Variants in PDE4B observed in about 807,000 individuals in gnomAD.
PDE4B encodes the protein phosphodiesterase 4B.
PDE4B carries 20 observed loss-of-function variants against 82.2 expected under a neutral mutation model. The observed-to-expected ratio is 0.24, with a 90% confidence interval of 0.17 to 0.35. The LOEUF is 0.35. Among genes scored for constraint, PDE4B ranks in the 10% least tolerant of loss-of-function variants. The pLI, the probability that PDE4B is intolerant of heterozygous loss-of-function variation, is 1.00. For missense variants in PDE4B, 655 were observed against 907.2 expected (o/e 0.72, Z 3.57); for synonymous variants, 320 against 318.9 (o/e 1.00, Z -0.04).
chr1:65,796,796 C>T lies in PDE4B; in HGVS notation c.-71+3548C>T, dbSNP rs368374085. 1.1e-4 allele frequency among the ~76,000 whole-genome samples: 17 copies of T among 151,610 alleles called. 1 individual carries two copies. The highest frequency in any genetic ancestry group is 5.9e-4 in the Admixed American group (9 of 15,234). On this transcript the variant is annotated intron_variant, in intron 1 of 16. Coordinates refer to ENST00000341517, the MANE Select transcript of PDE4B (RefSeq NM_002600.4). ...TCCTGAGTACCTGGGACTATAGGTG[C>T]GTGCCACCATGCCCAGGTAATTTTT... is the stretch of plus-strand genomic sequence containing the variant.
intron 7 of PDE4B, among the ~76,000 whole-genome samples, chr1:66,328,607 C>T (rs1659896652): frequency 1.3e-5 from 2 of 152,182 alleles, no homozygotes; most frequent in South Asian, 2.1e-4. Flanking sequence ...AGCCTTGGCT[C>T]ATGCACTTCC....
chr1:66,307,346 T>G (rs555846457), intron 7 of PDE4B, among the ~76,000 whole-genome samples: 96 of 151,752 alleles, frequency 6.3e-4, no homozygotes, highest in Non-Finnish European at 1.2e-3. Context: ...TGTAAATGAG[T>G]GAGGATAGTA....
At chr1:66,323,830 G>A (rs1244121685) in intron 7 of PDE4B, among the ~76,000 whole-genome samples, 1 of 152,102 alleles carries the variant, frequency 6.6e-6, no homozygotes, top group South Asian at 2.1e-4. Context: ...CAGAGACCAA[G>A]CTTTTAATCA....
chr1:65,863,685 C>T (rs1646479253), intron 1 of PDE4B, among the ~76,000 whole-genome samples: 1 of 152,160 alleles, frequency 6.6e-6, no homozygotes, highest in South Asian at 2.1e-4. Context: ...AATCTGGGTG[C>T]TCCTGTATTC....
intron 7 of PDE4B, among the ~76,000 whole-genome samples, chr1:66,322,760 A>G (rs965966514): frequency 6.6e-6 from 1 of 151,940 alleles, no homozygotes; most frequent in Non-Finnish European, 1.5e-5. Flanking sequence ...CATTTAGATC[A>G]TAACAAATGC....
At chr1:66,368,766 T>A in intron 15 of PDE4B, 21 bp from the exon 16 acceptor site, 1 of 1,494,770 alleles carries the variant, frequency 6.7e-7, no homozygotes, top group South Asian at 1.4e-5. Flanking sequence ...TTATGAGATT[T>A]CCAAAACTTG....
intron 3 of PDE4B, among the ~76,000 whole-genome samples, chr1:66,173,367 A>C (rs1646874463): frequency 6.6e-6 from 1 of 152,222 alleles, no homozygotes; most frequent in Admixed American, 6.5e-5. Flanking sequence ...ATAAGCCAAA[A>C]TATGGGGCCA....
At chr1:66,085,022 C>G (rs768081145) in intron 3 of PDE4B, among the ~76,000 whole-genome samples, 4 of 152,062 alleles carry the variant, frequency 2.6e-5, no homozygotes, top group Non-Finnish European at 4.4e-5. Flanking sequence ...TAGGATGCAC[C>G]AAGTATCACG....
chr1:65,846,098 A>T (rs1194973967), intron 1 of PDE4B, among the ~76,000 whole-genome samples: 1 of 152,082 alleles, frequency 6.6e-6, no homozygotes, highest in African/African-American at 2.4e-5. Context: ...GTTCTTACTA[A>T]TCTTGTTTGA....
At chr1:65,967,318 A>T (rs1033333766) in intron 3 of PDE4B, among the ~76,000 whole-genome samples, 2 of 152,240 alleles carry the variant, frequency 1.3e-5, no homozygotes, top group Non-Finnish European at 2.9e-5. Flanking sequence ...AGCAATGCAA[A>T]TCAAAACCAC....
chr1:65,854,629 A>C (rs1646371816), intron 1 of PDE4B, among the ~76,000 whole-genome samples: 1 of 152,034 alleles, frequency 6.6e-6, no homozygotes, highest in South Asian at 2.1e-4. Flanking sequence ...GATGCTTTTA[A>C]GTATTTATAT....
intron 7 of PDE4B, among the ~76,000 whole-genome samples, chr1:66,291,122 C>T (rs1211187450): frequency 6.6e-6 from 1 of 152,124 alleles, no homozygotes; most frequent in South Asian, 2.1e-4. Flanking sequence ...ATAGCAATAG[C>T]TAACATTTAC....
chr1:66,226,752 G>T (rs1397010382), intron 3 of PDE4B, among the ~76,000 whole-genome samples: 1 of 152,258 alleles, frequency 6.6e-6, no homozygotes. Context: ...TATTTTAAAT[G>T]TGATGGACAG....
chr1:65,846,552 T>C (rs181435272), intron 1 of PDE4B, among the ~76,000 whole-genome samples: 68 of 152,292 alleles, frequency 4.5e-4, no homozygotes, highest in African/African-American at 1.6e-3. Flanking sequence ...TGATGAGCTT[T>C]GAGTTAATTT....
intron 3 of PDE4B, among the ~76,000 whole-genome samples, chr1:66,065,867 T>C (rs1271423273): frequency 6.6e-6 from 1 of 151,842 alleles, no homozygotes; most frequent in Non-Finnish European, 1.5e-5. Flanking sequence ...GCTTACCGAG[T>C]TCATAATTAA....
chr1:65,923,072 T>C (rs1473389400), intron 3 of PDE4B, among the ~76,000 whole-genome samples: 1 of 151,532 alleles, frequency 6.6e-6, no homozygotes, highest in Admixed American at 6.6e-5. Context: ...AAAAATGAAG[T>C]TCTCACATTT....
At chr1:66,244,232 G>A (rs1187439269) in intron 3 of PDE4B, among the ~76,000 whole-genome samples, 1 of 152,050 alleles carries the variant, frequency 6.6e-6, no homozygotes, top group Non-Finnish European at 1.5e-5. Flanking sequence ...ATCCAAACCT[G>A]CAGGAGAAAA....
At chr1:66,270,053 G>A (rs919100887) in intron 7 of PDE4B, among the ~76,000 whole-genome samples, 2 of 152,096 alleles carry the variant, frequency 1.3e-5, no homozygotes, top group Non-Finnish European at 2.9e-5. Context: ...ATGGGTCACT[G>A]GAAATGACAG....
chr1:66,020,421 C>T (rs925465534), intron 3 of PDE4B, among the ~76,000 whole-genome samples: 2 of 151,976 alleles, frequency 1.3e-5, no homozygotes, highest in African/African-American at 2.4e-5. Context: ...CCCGATAACT[C>T]GTCATTTATA....
Sources: allele counts gnomAD v4.1 joint callset (sites outside exome capture counted in the v4.1 genomes callset), GRCh38; gene constraint gnomAD v4.1.1; transcripts MANE v1.5; gene names NCBI Gene and HGNC (gene_info 2026-07-23, HGNC 2026-07-21).